Variants in KIF18B observed in about 807,000 individuals in gnomAD.
KIF18B encodes the protein kinesin family member 18B.
In KIF18B, 49 loss-of-function variants were observed where a neutral mutation model predicts 80.9. That is an observed-to-expected ratio of 0.61 (90% CI 0.48 to 0.77). The LOEUF (loss-of-function observed/expected upper bound fraction) is 0.77, where lower values mean the gene tolerates loss of function less well. Ranked by LOEUF, KIF18B falls within the 30% of genes least tolerant of loss-of-function variation. The pLI, the probability that KIF18B is intolerant of heterozygous loss-of-function variation, is 0.00. For synonymous variants in KIF18B, 439 were observed against 463.9 expected, an observed-to-expected ratio of 0.95 and a Z score of 0.69; for missense variants, 994 against 1,127.7, an observed-to-expected ratio of 0.88 and a Z score of 1.70.
chr17:44,943,792 C>T lies in KIF18B; in HGVS notation c.-15+3836G>A, dbSNP rs184194700. ...GTGGGATCACCACTCACAGCAGCCT[C>T]GAACTCCTGGGCTCGAGCCATCTTC... On this transcript the variant is annotated intron_variant, in intron 1 of 15. Coordinates refer to ENST00000593135, the MANE Select transcript of KIF18B (RefSeq NM_001265577.2). Among the ~76,000 whole-genome samples the T allele has an allele frequency of 4.6e-5, 7 of 152,352 alleles. No individual in the cohort carries two copies. The East Asian group carries it at 5.8e-4, about 13-fold the overall frequency.
chr17:44,934,661 C>A lies in KIF18B; in HGVS notation c.577-44G>T, dbSNP rs975904072. 4 of 1,487,024 alleles carry A rather than the reference C, an allele frequency of 2.7e-6. No individual in the cohort carries two copies. The Admixed American group carries it at 8.7e-5, about 32-fold the overall frequency. The allele number at this position is 1,487,024 out of a possible 1,614,324, so 92.1% of individuals were successfully genotyped here. A position where few individuals can be genotyped will look rare whatever the true frequency, so the allele number is the denominator to read the frequency against. ...GGAACGGGGCTGTGGGTTCCCGGATCAGGACTTTTCCCCTAACAGGAAGGG... is the reference window on the plus strand; with the variant it reads ...GGAACGGGGCTGTGGGTTCCCGGATAAGGACTTTTCCCCTAACAGGAAGGG... On this transcript the variant is annotated intron_variant, in intron 4 of 15. Coordinates refer to ENST00000593135, the MANE Select transcript of KIF18B (RefSeq NM_001265577.2). The surrounding 1 kb of genome is among the most constrained non-coding windows in gnomAD (Gnocchi z 5.4).
rs530608581 is a variant in KIF18B, at chr17:44,926,473, C to T, written c.2393G>A (p.Arg798His). ...ASSSVSHGRS[R>H]IARLPSSTLK... ...AGTGCTGCTGGGGAGGCGGGCGATG[C>T]GGCTGCGGCCATGGGAGACTGAGGA... The change falls in exon 15 of 16, where the codon CGC becomes CAC. Residue 798 changes from arginine to histidine, a missense_variant. By Grantham distance (29) the Arg-to-His change is conservative. Transcript: ENST00000593135. 53 of 1,587,472 alleles carry T rather than the reference C, an allele frequency of 3.3e-5. No individual in the cohort carries two copies. Among genetic ancestry groups the T allele is most frequent in the Non-Finnish European group, 4.1e-5 (48 of 1,168,520 alleles).
chr17:44,926,299 C>T, intron 15 of KIF18B, 113 bp from the exon 16 acceptor site: 2 of 1,568,524 alleles, frequency 1.3e-6, no homozygotes, highest in Non-Finnish European at 1.7e-6. Flanking sequence ...CCCTGAGATG[C>T]TTGGCAATAC....
rs1467235996 is a variant in KIF18B at position 44,934,546 on chromosome 17, A to G, written c.648T>C (p.Asp216=). The change falls in exon 5 of 16, where the codon GAT becomes GAC. Residue 216 remains aspartate, a synonymous_variant. Coordinates refer to ENST00000593135, the MANE Select transcript of KIF18B (RefSeq NM_001265577.2). This position sits in a 1 kb window ranked among gnomAD's most constrained non-coding sequence, Gnocchi z 5.4. The part of the protein sequence containing the change: ...GNRNRTQHPT[D]ANATSSRSHA... ...GGGAGCGGGAGGAAGTCGCGTTGGC[A>G]TCAGTGGGGTGCTGCGTGCGGTTAC... is the stretch of plus-strand genomic sequence containing the variant. 6.2e-7 allele frequency: 1 copy of G among 1,613,148 alleles called. No homozygotes were observed. Among genetic ancestry groups the G allele is most frequent in the Non-Finnish European group, 8.5e-7 (1 of 1,179,590 alleles).
At chr17:44,945,532 G>T (rs1370034915) in intron 1 of KIF18B, among the ~76,000 whole-genome samples, 7 of 152,040 alleles carry the variant, frequency 4.6e-5, no homozygotes, top group Admixed American at 6.6e-5. Context: ...TTTATAAATA[G>T]TATTTTTATA....
intron 1 of KIF18B, among the ~76,000 whole-genome samples, chr17:44,943,421 C>A (rs1164198365): frequency 2.6e-5 from 4 of 152,030 alleles, no homozygotes; most frequent in African/African-American, 4.8e-5. Flanking sequence ...TTTAAATAGA[C>A]AATCATAAGG....
rs564686151 is a variant in KIF18B at position 44,925,728 on chromosome 17, C to T, written c.*352G>A. On this transcript the variant is annotated 3_prime_UTR_variant, in exon 16 of 16. Coordinates refer to ENST00000593135, the MANE Select transcript of KIF18B (RefSeq NM_001265577.2). ...CCCAGGAGGCGGAGGTTGCAGTGAG[C>T]CAAGATCGTACCACTGCACTCCAGC... is the stretch of plus-strand genomic sequence containing the variant. The T allele has an allele frequency of 5.2e-4, 144 of 276,762 alleles. 1 individual carries two copies. The highest frequency in any genetic ancestry group is 7.8e-4 in the Admixed American group (14 of 17,976). 17.1% of individuals were successfully genotyped at this position (276,762 alleles called of 1,614,324 possible). A position where few individuals can be genotyped will look rare whatever the true frequency, so the allele number is the denominator to read the frequency against.
Position 44,934,929 on chromosome 17 carries a change from T to C in KIF18B, c.478A>G (p.Asn160Asp). The part of the protein sequence containing the change: ...EVLISYQEVY[N>D]EQIHDLLEPK... ...TCCAGGAGGTCATGGATCTGTTCAT[T>C]ATACACCTGAGAAAGGAAGAAAGGA... The change falls in exon 4 of 16, where the codon AAT (asparagine) becomes GAT (aspartate). Residue 160 changes from asparagine (N) to aspartate (D), a missense_variant. Coordinates refer to ENST00000593135, the MANE Select transcript of KIF18B (RefSeq NM_001265577.2). This position sits in a 1 kb window ranked among gnomAD's most constrained non-coding sequence, Gnocchi z 5.4. 6.5e-7 allele frequency: 1 copy of C among 1,534,388 alleles called. No individual in the cohort carries two copies. The highest frequency in any genetic ancestry group is 8.8e-7 in the Non-Finnish European group (1 of 1,132,902).
In KIF18B at chr17:44,936,278, C is replaced by G. The variant is rs775304993; in HGVS notation, c.67G>C (p.Asp23His). 1.3e-5 allele frequency: 21 copies of G among 1,611,112 alleles called. No individual in the cohort carries two copies. Among genetic ancestry groups the G allele is most frequent in the Non-Finnish European group, 1.7e-5 (20 of 1,179,282 alleles). Reference protein sequence around the residue: ...RVRPPTPRELDSQRRPVVQVV... With the variant: ...RVRPPTPRELHSQRRPVVQVV... ...TGAACCACTGGCCGCCGCTGACTGT[C>G]CAGCTCCCGAGGGGTGGGGGGCCGC... Residue 23 changes from aspartate (D) to histidine (H), a missense_variant, in exon 2 of 16, where the codon GAC becomes CAC. By Grantham distance (81) the Asp-to-His change is moderately conservative. Transcript: ENST00000593135.
intron 1 of KIF18B, among the ~76,000 whole-genome samples, chr17:44,941,496 G>A (rs1384228832): frequency 6.6e-6 from 1 of 151,752 alleles, no homozygotes; most frequent in African/African-American, 2.4e-5. Flanking sequence ...CCACCATTAC[G>A]GCCAGGTAAT....
Position 44,934,718 on chromosome 17 carries a change from TACC to T in KIF18B, c.577-104_577-102del. The T allele has an allele frequency of 2.4e-6, 3 of 1,266,802 alleles. No individual in the cohort carries two copies. Among genetic ancestry groups the T allele is most frequent in the Non-Finnish European group, 3.3e-6 (3 of 914,172 alleles). 78.5% of individuals were successfully genotyped at this position (1,266,802 alleles called of 1,614,324 possible). Reference sequence around the variant, plus strand: ...TTCAGAATCTACATCACCCCCTTGCTACCACCACCACTGCTACCACCATCACAG... The same window carrying T: ...TTCAGAATCTACATCACCCCCTTGCTACCACCACTGCTACCACCATCACAG... On this transcript the variant is annotated intron_variant, in intron 4 of 15. Transcript: ENST00000593135. This position sits in a 1 kb window ranked among gnomAD's most constrained non-coding sequence, Gnocchi z 5.4.
intron 14 of KIF18B, 134 bp from the exon 15 acceptor site, chr17:44,926,633 C>T: frequency 2.3e-6 from 2 of 870,184 alleles, no homozygotes; most frequent in Non-Finnish European, 3.4e-6. Flanking sequence ...GCAGGAGCTT[C>T]CAGAGCTGGA....
Position 44,934,049 on chromosome 17 carries a change from G to T in KIF18B, c.936C>A (p.Leu312=), listed in dbSNP as rs1433662869. The part of the protein sequence containing the change: ...PYRDSKLTRL[L]KDSLGGNCRT... The stretch of plus-strand genomic sequence containing the variant: ...GGCAGTTGCCCCCGAGGGAGTCTTT[G>T]AGCAGGCGGGTCAGTTTGCTGTCCC... The change falls in exon 7 of 16, where the codon CTC becomes CTA. Residue 312 remains leucine, a synonymous_variant. Transcript: ENST00000593135. The surrounding 1 kb of genome is among the most constrained non-coding windows in gnomAD (Gnocchi z 5.4). The T allele has an allele frequency of 3.7e-6, 6 of 1,612,112 alleles. No individual in the cohort carries two copies. In the Admixed American group the frequency reaches 5.0e-5, roughly 13 times the overall value.
chr17:44,941,332 TTC>T (rs2052411053), intron 1 of KIF18B, among the ~76,000 whole-genome samples: 1 of 146,228 alleles, frequency 6.8e-6, no homozygotes, highest in Non-Finnish European at 1.5e-5. Context: ...GTACCTAATT[TTC>T]TTTTTCTTTT....
chr17:44,935,761 G>A (rs2052274661), intron 2 of KIF18B, among the ~76,000 whole-genome samples: 1 of 152,164 alleles, frequency 6.6e-6, no homozygotes, highest in South Asian at 2.1e-4. Context: ...TGTGAGTGGT[G>A]TCTTCTCCCC....
chr17:44,945,343 G>A (rs772948538), intron 1 of KIF18B, among the ~76,000 whole-genome samples: 1 of 152,204 alleles, frequency 6.6e-6, no homozygotes, highest in Non-Finnish European at 1.5e-5. Context: ...TTACAGGCGT[G>A]AGCCACCATG....
chr17:44,924,737 C>A lies in KIF18B; in HGVS notation c.*1343G>T, dbSNP rs1235936823. The A allele has an allele frequency of 6.6e-6, 1 of 151,798 alleles. No individual in the cohort carries two copies. The highest frequency in any genetic ancestry group is 1.5e-5 in the Non-Finnish European group (1 of 67,974). 9.4% of individuals were successfully genotyped at this position (151,798 alleles called of 1,614,324 possible). On this transcript the variant is annotated 3_prime_UTR_variant, in exon 16 of 16. Coordinates refer to ENST00000593135, the MANE Select transcript of KIF18B (RefSeq NM_001265577.2). ...AGGATGGAGACGGTTTATTGTTATA[C>A]CAAAAATATATGTATATATCTATAT...
chr17:44,935,284 A>C lies in KIF18B; in HGVS notation c.446T>G (p.Phe149Cys). The part of the protein sequence containing the change: ...RLEARQQEKH[F>C]EVLISYQEVY... ...CTCCTGGTAGCTGATGAGCACCTCG[A>C]AGTGCTTCTCCTGCTGGCGGGCCTC... Residue 149 changes from phenylalanine to cysteine, a missense_variant, in exon 3 of 16, where the codon TTC becomes TGC. Coordinates refer to ENST00000593135, the MANE Select transcript of KIF18B (RefSeq NM_001265577.2). 6.2e-7 allele frequency: 1 copy of C among 1,610,562 alleles called. No homozygotes were observed. The highest frequency in any genetic ancestry group is 8.5e-7 in the Non-Finnish European group (1 of 1,177,892).
At position 44,932,981 on chromosome 17, in the gene KIF18B, C is replaced by T; in HGVS notation, c.1068G>A (p.Lys356=). The T allele has an allele frequency of 6.2e-7, 1 of 1,605,138 alleles. No individual in the cohort carries two copies. The highest frequency in any genetic ancestry group is 8.5e-7 in the Non-Finnish European group (1 of 1,172,674). ...DRAKEIRLSL[K]SNVTSLDCHI... ...GACAGTCCAGGCTGGTCACATTGCT[C>T]TTCAGCTGAGATGGGGAACAGGAGA... The change falls in exon 8 of 16, where the codon AAG becomes AAA. Residue 356 remains lysine, a synonymous_variant. Transcript: ENST00000593135.
Sources: allele counts gnomAD v4.1 joint callset (sites outside exome capture counted in the v4.1 genomes callset), GRCh38; gene constraint gnomAD v4.1.1; non-coding constraint Gnocchi (gnomAD v3.1); transcripts MANE v1.5; gene names NCBI Gene and HGNC (gene_info 2026-07-23, HGNC 2026-07-21).